Variants in CFAP74 observed in about 807,000 individuals in gnomAD.
CFAP74 encodes the protein cilia- and flagella-associated protein 74.
A neutral mutation model predicts 188.9 loss-of-function variants in CFAP74; 124 were observed. That is an observed-to-expected ratio of 0.66 (90% CI 0.57 to 0.76). CFAP74 has a LOEUF of 0.76. Among genes scored for constraint, CFAP74 ranks in the 30% least tolerant of loss-of-function variants. The pLI is 0.00. For synonymous variants in CFAP74, 956 were observed against 916.7 expected (o/e 1.04, Z -0.77); for missense variants, 2,198 against 2,165.2 (o/e 1.02, Z -0.30).
rs750366398 is a variant in CFAP74, at chr1:1,966,590, C to T, written c.1246-64G>A. 914 of 1,359,756 alleles carry T rather than the reference C, an allele frequency of 6.7e-4. 1 individual carries two copies. The highest frequency in any genetic ancestry group is 8.9e-4 in the South Asian group (47 of 53,030). 84.2% of individuals were successfully genotyped at this position (1,359,756 alleles called of 1,614,324 possible). ...TGACAGAGAACAGGGAAGAGAAACT[C>T]GGCCCAGCCCCCGCCGGTATGGCCC... On this transcript the variant is annotated intron_variant, in intron 11 of 38. Transcript: ENST00000682832.
At chr1:1,947,973 A>C (rs1369605250) in intron 18 of CFAP74, among the ~76,000 whole-genome samples, 2 of 152,134 alleles carry the variant, frequency 1.3e-5, no homozygotes, top group East Asian at 3.9e-4. Flanking sequence ...CCCGGGTTCA[A>C]GTAATTCTCC....
intron 18 of CFAP74, among the ~76,000 whole-genome samples, chr1:1,950,336 ATT>A (rs879761291): frequency 4.0e-4 from 54 of 134,706 alleles, no homozygotes; most frequent in African/African-American, 1.1e-3. Context: ...TCTTTTGCCC[ATT>A]TTTTTTTTTT....
At chr1:1,953,346 A>C (rs1251536463) in intron 18 of CFAP74, 2 of 146,266 alleles carry the variant, frequency 1.4e-5, no homozygotes, top group Non-Finnish European at 3.0e-5. Flanking sequence ...GCCAGGCTGG[A>C]GTGCAATGGC....
chr1:1,927,603 C>T lies in CFAP74; in HGVS notation c.3527+4G>A. On this transcript the variant is annotated splice_donor_region_variant and intron_variant, in intron 28 of 38. Coordinates refer to ENST00000682832, the MANE Select transcript of CFAP74 (RefSeq NM_001304360.2). Reference sequence around the variant, plus strand: ...GCAGGTGGGGCAGCCCCTCCTGGACCCACCTGGGCCTCAGCTCCCGCTTCC... The same window carrying T: ...GCAGGTGGGGCAGCCCCTCCTGGACTCACCTGGGCCTCAGCTCCCGCTTCC... The T allele has an allele frequency of 1.3e-6, 2 of 1,548,536 alleles. No individual in the cohort carries two copies. The highest frequency in any genetic ancestry group is 1.7e-6 in the Non-Finnish European group (2 of 1,146,096).
In CFAP74 at chr1:1,975,061, G is replaced by A. The variant is rs535563910; in HGVS notation, c.501-863C>T. ...CTGGACAAGGTCAGACGCAGGCGTTGAGCCGGCATCCTCACTGCATTGCTG... is the reference window on the plus strand; with the variant it reads ...CTGGACAAGGTCAGACGCAGGCGTTAAGCCGGCATCCTCACTGCATTGCTG... On this transcript the variant is annotated intron_variant, in intron 6 of 38. Coordinates refer to ENST00000682832, the MANE Select transcript of CFAP74 (RefSeq NM_001304360.2). This position sits in a 1 kb window ranked among gnomAD's most constrained non-coding sequence, Gnocchi z 4.5. Among the ~76,000 whole-genome samples the A allele has an allele frequency of 2.6e-5, 4 of 152,236 alleles. No individual in the cohort carries two copies. The highest frequency in any genetic ancestry group is 5.9e-5 in the Non-Finnish European group (4 of 68,040).
At chr1:2,000,349 G>A (rs901053883) in intron 1 of CFAP74, among the ~76,000 whole-genome samples, 18 of 152,232 alleles carry the variant, frequency 1.2e-4, no homozygotes, top group South Asian at 2.1e-4. Context: ...CCTAACACGC[G>A]CATGGGTTCG....
chr1:1,983,989 A>AT (rs71578355), intron 6 of CFAP74: 43,452 of 130,056 alleles, frequency 0.33, 6,555 homozygotes, highest in Middle Eastern at 0.38. Flanking sequence ...GCGCCCAGCC[A>AT]TTTTTTTTTT....
Position 1,926,939 on chromosome 1 carries a change from C to T in CFAP74, c.3617G>A (p.Ser1206Asn), listed in dbSNP as rs1464185695. 3.2e-6 allele frequency: 5 copies of T among 1,550,168 alleles called. No individual in the cohort carries two copies. The highest frequency in any genetic ancestry group is 2.7e-5 in the African/African-American group (2 of 73,062). The stretch of plus-strand genomic sequence containing the variant: ...CCCCTTCCTGTCTTTGATGTCGCCA[C>T]TGGCAACAACACAGGGAACTACAAA... ...DTFVVPCVVASGDIKDRKGSE... is the reference protein window; with the variant it reads ...DTFVVPCVVANGDIKDRKGSE... Residue 1206 changes from serine (S) to asparagine (N), a missense_variant, in exon 29 of 39, where the codon AGT becomes AAT. Ser to Asn is a conservative substitution (Grantham distance 46, BLOSUM62 1). Coordinates refer to ENST00000682832, the MANE Select transcript of CFAP74 (RefSeq NM_001304360.2).
intron 14 of CFAP74, among the ~76,000 whole-genome samples, chr1:1,960,824 G>A (rs1345261118): frequency 1.3e-5 from 2 of 152,222 alleles, no homozygotes; most frequent in Non-Finnish European, 2.9e-5. Flanking sequence ...CCGAGAGGGT[G>A]GACGTGCGTG....
chr1:1,974,804 C>T (rs150446415), intron 6 of CFAP74, among the ~76,000 whole-genome samples: 116 of 152,330 alleles, frequency 7.6e-4, no homozygotes, highest in African/African-American at 2.7e-3. Flanking sequence ...GGGAAATTTC[C>T]GGTGAATCTT....
chr1:1,973,889 G>T lies in CFAP74; in HGVS notation c.674+136C>A. On this transcript the variant is annotated intron_variant, in intron 7 of 38. Transcript: ENST00000682832. The surrounding 1 kb of genome is among the most constrained non-coding windows in gnomAD (Gnocchi z 6.2). ...GGCCCGGTGGAGGAGCAAGCTGGGA[G>T]GAGGCAGGGAGGGGTGGAGGTGGAT... The T allele has an allele frequency of 1.3e-6, 1 of 784,962 alleles. No homozygotes were observed. The allele number at this position is 784,962 out of a possible 1,614,324, so 48.6% of individuals were successfully genotyped here. A position where few individuals can be genotyped will look rare whatever the true frequency, so the allele number is the denominator to read the frequency against.
At chr1:1,971,340 C>CG (rs1385422677) in intron 9 of CFAP74, among the ~76,000 whole-genome samples, 1 of 151,484 alleles carries the variant, frequency 6.6e-6, no homozygotes, top group East Asian at 2.0e-4. Context: ...CCTGCACACA[C>CG]GTGCACACAC....
At chr1:1,946,072 C>T (rs1182607239) in intron 20 of CFAP74, among the ~76,000 whole-genome samples, 1 of 152,124 alleles carries the variant, frequency 6.6e-6, no homozygotes, top group Admixed American at 6.5e-5. Context: ...CATGTGTATA[C>T]ATGCATGTTT....
chr1:1,939,719 G>T lies in CFAP74; in HGVS notation c.2752C>A (p.Leu918Met). The T allele has an allele frequency of 6.5e-7, 1 of 1,536,092 alleles. No homozygotes were observed. Among genetic ancestry groups the T allele is most frequent in the Non-Finnish European group, 8.7e-7 (1 of 1,146,860 alleles). The change falls in exon 24 of 39, where the codon CTG (leucine) becomes ATG (methionine). Residue 918 changes from leucine to methionine, a missense_variant. Leu to Met is a conservative substitution (Grantham distance 15). Transcript: ENST00000682832. ...TVHAIVTTSDLELSPSEVDFG... is the reference protein window; with the variant it reads ...TVHAIVTTSDMELSPSEVDFG... ...TCCACCTCCGAGGGACTGAGCTCCAGGTCCGAGGTGGTGACAATGGCATGC... is the reference window on the plus strand; with the variant it reads ...TCCACCTCCGAGGGACTGAGCTCCATGTCCGAGGTGGTGACAATGGCATGC...
chr1:1,981,379 C>T (rs1656832942), intron 6 of CFAP74, among the ~76,000 whole-genome samples: 1 of 152,068 alleles, frequency 6.6e-6, no homozygotes, highest in South Asian at 2.1e-4. Flanking sequence ...CCCGGGGACC[C>T]TCGGGGGCTG....
intron 15 of CFAP74, among the ~76,000 whole-genome samples, chr1:1,959,463 G>A (rs1337572567): frequency 6.6e-6 from 1 of 151,910 alleles, no homozygotes; most frequent in African/African-American, 2.4e-5. Flanking sequence ...ACGGGGTCTC[G>A]CCATGTTGCC....
rs1433269170 is a variant in CFAP74, at chr1:1,988,614, T to C, written c.194A>G (p.Lys65Arg). The part of the protein sequence containing the change: ...ELDTDADKLK[K>R]KTAEDRTQAF... ...CTGCGTTCTGTCCTCAGCTGTTTTC[T>C]TCTTCAATTTATCAGCATCAGTATC... is the stretch of plus-strand genomic sequence containing the variant. Residue 65 changes from lysine to arginine, a missense_variant, in exon 4 of 39, where the codon AAG becomes AGG. Physicochemically the swap from Lys to Arg is conservative, Grantham distance 26. Coordinates refer to ENST00000682832, the MANE Select transcript of CFAP74 (RefSeq NM_001304360.2). 1.9e-6 allele frequency: 3 copies of C among 1,612,296 alleles called. No individual in the cohort carries two copies. Among genetic ancestry groups the C allele is most frequent in the Non-Finnish European group, 2.5e-6 (3 of 1,180,024 alleles).
chr1:1,928,749 C>T (rs1303033679), intron 27 of CFAP74, 35 bp downstream of exon 27: 1 of 1,493,724 alleles, frequency 6.7e-7, no homozygotes, highest in East Asian at 2.5e-5. Context: ...AGGCCCTTCC[C>T]CGACCTACGC....
rs557294298 is a variant in CFAP74, at chr1:1,991,823, A to G, written c.-19-848T>C. ...GGGAGGCCAAGGTGGGCGGATCACG[A>G]GGTCAGGAGATCGAGACTATCCTGG... On this transcript the variant is annotated intron_variant, in intron 1 of 38. Transcript: ENST00000682832. 4.0e-4 allele frequency among the ~76,000 whole-genome samples: 61 copies of G among 152,054 alleles called. 1 individual carries two copies. The highest frequency in any genetic ancestry group is 2.8e-4 in the Non-Finnish European group (19 of 67,958).
Sources: gnomAD v4.1 joint callset for allele counts (sites outside exome capture counted in the v4.1 genomes callset) on GRCh38, gnomAD v4.1.1 for gene constraint, Gnocchi (gnomAD v3.1) non-coding constraint, MANE v1.5 for transcripts, NCBI Gene and HGNC (gene_info 2026-07-23, HGNC 2026-07-21) for gene names.